Variants in GRB2 observed in about 807,000 individuals in gnomAD.
GRB2 encodes growth factor receptor bound protein 2.
Under a neutral mutation model 27.4 loss-of-function variants are expected in GRB2, and 2 were observed. The observed-to-expected ratio is 0.07, with a 90% CI of 0.03 to 0.23. The LOEUF (loss-of-function observed/expected upper bound fraction) is 0.23. GRB2 is among the 10% of genes least tolerant of loss of function. The pLI, the probability that GRB2 is intolerant of heterozygous loss-of-function variation, is 1.00. For synonymous variants in GRB2, 94 were observed against 99.6 expected (o/e 0.94, Z 0.33); for missense variants, 102 against 282.4 (o/e 0.36, Z 4.58).
At chr17:75,337,072 T>C (rs1184320047) in intron 2 of GRB2, among the ~76,000 whole-genome samples, 1 of 152,114 alleles carries the variant, frequency 6.6e-6, no homozygotes, top group African/African-American at 2.4e-5. Flanking sequence ...ATGGTTACGA[T>C]TTTGGTTATC....
At position 75,393,748 on chromosome 17, in the gene GRB2, G is replaced by A; in HGVS notation, c.-120C>T. 2.7e-6 allele frequency: 2 copies of A among 740,898 alleles called. No homozygotes were observed. Among genetic ancestry groups the A allele is most frequent in the Non-Finnish European group, 4.7e-6 (2 of 424,378 alleles). 45.9% of individuals were successfully genotyped at this position (740,898 alleles called of 1,614,324 possible). On this transcript the variant is annotated 5_prime_UTR_variant, in exon 2 of 6. Coordinates refer to ENST00000316804, the MANE Select transcript of GRB2 (RefSeq NM_002086.5). ...CTTCTGGGACTCGCTCCGGCACTCT[G>A]GGACACACAATGCCACCCTGAAGCA...
intron 2 of GRB2, among the ~76,000 whole-genome samples, chr17:75,360,700 C>G (rs1451285529): frequency 1.3e-5 from 2 of 152,240 alleles, no homozygotes; most frequent in African/African-American, 4.8e-5. Flanking sequence ...TCACCTTGCT[C>G]TCTGCCCACT....
chr17:75,350,190 C>A (rs2078681083), intron 2 of GRB2, among the ~76,000 whole-genome samples: 1 of 148,888 alleles, frequency 6.7e-6, no homozygotes. Flanking sequence ...TGAATAGCCA[C>A]TGCACTCTGG....
intron 3 of GRB2, among the ~76,000 whole-genome samples, chr17:75,330,904 C>A (rs1010053082): frequency 1.1e-4 from 16 of 152,150 alleles, no homozygotes; most frequent in African/African-American, 3.6e-4. Context: ...CTAATGCCAA[C>A]AATCATTTTG....
chr17:75,341,904 C>T (rs1378733322), intron 2 of GRB2, among the ~76,000 whole-genome samples: 3 of 152,140 alleles, frequency 2.0e-5, no homozygotes, highest in Non-Finnish European at 4.4e-5. Context: ...TCTACAAGTG[C>T]AAATATAGTC....
At chr17:75,367,343 T>TA (rs1201126091) in intron 2 of GRB2, among the ~76,000 whole-genome samples, 2 of 152,046 alleles carry the variant, frequency 1.3e-5, no homozygotes, top group African/African-American at 4.8e-5. Flanking sequence ...GCTAATTTTT[T>TA]AAAAAAACTT....
At chr17:75,392,797 T>C (rs1265314799) in intron 2 of GRB2, among the ~76,000 whole-genome samples, 1 of 152,172 alleles carries the variant, frequency 6.6e-6, no homozygotes, top group Non-Finnish European at 1.5e-5. Flanking sequence ...GTAAACAACA[T>C]AATTAACATG....
At chr17:75,346,083 G>C (rs527855220) in intron 2 of GRB2, among the ~76,000 whole-genome samples, 1 of 152,044 alleles carries the variant, frequency 6.6e-6, no homozygotes, top group South Asian at 2.1e-4. Context: ...AGAGAGGAGA[G>C]AGTCGAGGTA....
intron 2 of GRB2, among the ~76,000 whole-genome samples, chr17:75,393,184 A>G (rs2079009215): frequency 6.6e-6 from 1 of 152,226 alleles, no homozygotes; most frequent in African/African-American, 2.4e-5. Context: ...GCTTTTACAT[A>G]AATACTTCAG....
At chr17:75,366,862 T>C (rs561400032) in intron 2 of GRB2, among the ~76,000 whole-genome samples, 1 of 151,716 alleles carries the variant, frequency 6.6e-6, no homozygotes, top group South Asian at 2.1e-4. Context: ...AATAAGCCAA[T>C]GAAAACGAAA....
intron 2 of GRB2, among the ~76,000 whole-genome samples, chr17:75,391,038 G>A (rs987357993): frequency 3.3e-5 from 5 of 152,002 alleles, no homozygotes; most frequent in African/African-American, 4.8e-5. Context: ...GGAAAACTCC[G>A]TTTTTTTAAC....
At chr17:75,340,006 C>T (rs1168372008) in intron 2 of GRB2, among the ~76,000 whole-genome samples, 1 of 152,148 alleles carries the variant, frequency 6.6e-6, no homozygotes, top group Non-Finnish European at 1.5e-5. Context: ...TTATAGATTG[C>T]TGCATTTTGA....
intron 2 of GRB2, among the ~76,000 whole-genome samples, chr17:75,333,033 A>G (rs1016989279): frequency 6.6e-5 from 10 of 152,192 alleles, no homozygotes; most frequent in Admixed American, 5.2e-4. Flanking sequence ...AACATCTGGA[A>G]TGAAACCCTC....
intron 2 of GRB2, among the ~76,000 whole-genome samples, chr17:75,341,260 T>C (rs1270630397): frequency 1.3e-5 from 2 of 151,590 alleles, no homozygotes; most frequent in African/African-American, 4.9e-5. Flanking sequence ...GGTGAAACCC[T>C]GTCTCTACTA....
chr17:75,338,965 G>A (rs1341168602), intron 2 of GRB2: 2 of 1,176,416 alleles, frequency 1.7e-6, no homozygotes, highest in Non-Finnish European at 2.5e-6. Context: ...GAAGCAGAGT[G>A]GCTATGGTGG....
rs1402773171 is a variant in GRB2 at position 75,384,928 on chromosome 17, T to G, written c.78+8623A>C. 2.7e-5 allele frequency among the ~76,000 whole-genome samples: 4 copies of G among 147,404 alleles called. No individual in the cohort carries two copies. In the East Asian group the frequency reaches 6.0e-4, roughly 22 times the overall value. On this transcript the variant is annotated intron_variant, in intron 2 of 5. Transcript: ENST00000316804. ...CTTTATTTACAGAGGCCGGGCGCGG[T>G]AGCTCATGTCGGTAATCCCAGCACT...
Position 75,320,051 on chromosome 17 carries a change from T to C in GRB2, c.*317A>G, listed in dbSNP as rs2078447647. 8.2e-6 allele frequency: 2 copies of C among 242,636 alleles called. No individual in the cohort carries two copies. Among genetic ancestry groups the C allele is most frequent in the South Asian group, 1.4e-4 (2 of 14,296 alleles). 15.0% of individuals were successfully genotyped at this position (242,636 alleles called of 1,614,324 possible). A position where few individuals can be genotyped will look rare whatever the true frequency, so the allele number is the denominator to read the frequency against. Reference sequence around the variant, plus strand: ...TTATTATTGGCGTCAGCTAGGACTATACGTGGCCTTAAACGTCATGCACTG... The same window carrying C: ...TTATTATTGGCGTCAGCTAGGACTACACGTGGCCTTAAACGTCATGCACTG... On this transcript the variant is annotated 3_prime_UTR_variant, in exon 6 of 6. Coordinates refer to ENST00000316804, the MANE Select transcript of GRB2 (RefSeq NM_002086.5). The surrounding 1 kb of genome is among the most constrained non-coding windows in gnomAD (Gnocchi z 4.3).
chr17:75,396,222 T>C (rs140257686), intron 1 of GRB2, among the ~76,000 whole-genome samples: 8 of 152,218 alleles, frequency 5.3e-5, no homozygotes, highest in Middle Eastern at 3.4e-3. Context: ...CCTAGTTCCC[T>C]GTGTATCTAC....
Position 75,393,584 on chromosome 17 carries a change from G to A in GRB2, c.45C>T (p.Asp15=), listed in dbSNP as rs376384770. The change falls in exon 2 of 6, where the codon GAC becomes GAT. Residue 15 remains aspartate (D), a synonymous_variant. Coordinates refer to ENST00000316804, the MANE Select transcript of GRB2 (RefSeq NM_002086.5). ...TGTCCCCCCTTTTGAAGCTCAGCTC[G>A]TCGTCTGCAGTAGCTTTGAAGTCAT... The part of the protein sequence containing the change: ...AKYDFKATAD[D]ELSFKRGDIL... 81 of 1,614,006 alleles carry A rather than the reference G, an allele frequency of 5.0e-5. No individual in the cohort carries two copies. In the East Asian group the frequency reaches 1.6e-3, roughly 32 times the overall value.
Sources: gnomAD v4.1 joint callset for allele counts (sites outside exome capture counted in the v4.1 genomes callset) on GRCh38, gnomAD v4.1.1 for gene constraint, Gnocchi (gnomAD v3.1) non-coding constraint, MANE v1.5 for transcripts, NCBI Gene and HGNC (gene_info 2026-07-23, HGNC 2026-07-21) for gene names.